Variants in PKD1L1 observed in about 807,000 individuals in gnomAD.
PKD1L1 encodes polycystin 1 like 1, transient receptor potential channel interacting, also known as polycystin-1-like protein 1.
A neutral mutation model predicts 323.4 loss-of-function variants in PKD1L1; 236 were observed. That is an observed-to-expected ratio of 0.73 (90% CI 0.66 to 0.81). The LOEUF is 0.81. Ranked by LOEUF, PKD1L1 falls within the 40% of genes least tolerant of loss-of-function variation. The pLI is 0.00. For missense variants in PKD1L1, 3,320 were observed against 3,508.0 expected (o/e 0.95, Z 1.35); for synonymous variants, 1,344 against 1,335.0 (o/e 1.01, Z -0.15).
At chr7:47,936,340 C>G (rs1428420436) in intron 4 of PKD1L1, among the ~76,000 whole-genome samples, 1 of 152,130 alleles carries the variant, frequency 6.6e-6, no homozygotes, top group Non-Finnish European at 1.5e-5. Context: ...TCCCCACAGC[C>G]CCTGGCAACC....
chr7:47,919,314 G>C (rs1451028475), intron 7 of PKD1L1, among the ~76,000 whole-genome samples: 1 of 152,044 alleles, frequency 6.6e-6, no homozygotes, highest in East Asian at 1.9e-4. Flanking sequence ...AACCCTCCTA[G>C]CTTAAGTCAG....
chr7:47,936,357 C>T (rs2128757082), intron 4 of PKD1L1, among the ~76,000 whole-genome samples: 1 of 152,286 alleles, frequency 6.6e-6, no homozygotes, highest in Admixed American at 6.5e-5. Context: ...AACCACCCCA[C>T]TCTCCTTTCA....
chr7:47,901,676 C>T (rs559486855), intron 13 of PKD1L1, among the ~76,000 whole-genome samples: 11 of 152,348 alleles, frequency 7.2e-5, no homozygotes, highest in Admixed American at 4.6e-4. Flanking sequence ...GGACCCTTTC[C>T]GGATTGCCCC....
At chr7:47,889,256 C>G (rs544690836) in intron 16 of PKD1L1, among the ~76,000 whole-genome samples, 13 of 152,296 alleles carry the variant, frequency 8.5e-5, no homozygotes, top group African/African-American at 2.9e-4. Flanking sequence ...CACCTGATAG[C>G]TTTGGCACAT....
At chr7:47,943,558 G>C in intron 1 of PKD1L1, 47 bp from the exon 2 acceptor site, 1 of 1,442,054 alleles carries the variant, frequency 6.9e-7, no homozygotes, top group Non-Finnish European at 9.7e-7. Flanking sequence ...AAGTACAATC[G>C]TTTAATCACA....
intron 7 of PKD1L1, among the ~76,000 whole-genome samples, chr7:47,924,553 AG>A (rs1787621723): frequency 2.0e-5 from 3 of 152,328 alleles, no homozygotes; most frequent in Admixed American, 6.5e-5. Context: ...AAGCAATGGC[AG>A]GTTATGGTTT....
At chr7:47,869,991 A>C (rs1786246196) in intron 24 of PKD1L1, among the ~76,000 whole-genome samples, 1 of 152,182 alleles carries the variant, frequency 6.6e-6, no homozygotes, top group South Asian at 2.1e-4. Flanking sequence ...AAATATTATA[A>C]TCAATGGTTC....
chr7:47,802,642 G>A (rs1784688874), intron 53 of PKD1L1, among the ~76,000 whole-genome samples: 1 of 152,216 alleles, frequency 6.6e-6, no homozygotes, highest in African/African-American at 2.4e-5. Context: ...TCAGGTTGGA[G>A]AAAGCTCTTT....
At chr7:47,893,255 GAGAA>G (rs1247457700) in intron 15 of PKD1L1, among the ~76,000 whole-genome samples, 6 of 136,916 alleles carry the variant, frequency 4.4e-5, no homozygotes, top group East Asian at 2.1e-4. Context: ...AAAAAAAAAA[GAGAA>G]AGAAGATTTT....
intron 4 of PKD1L1, among the ~76,000 whole-genome samples, chr7:47,934,050 T>A (rs1265270458): frequency 6.6e-6 from 1 of 152,244 alleles, no homozygotes; most frequent in African/African-American, 2.4e-5. Context: ...TTCTTCTTGA[T>A]GTTAAATGTT....
Position 47,821,068 on chromosome 7 carries a change from C to T in PKD1L1, c.6965+8G>A, listed in dbSNP as rs764379808. On this transcript the variant is annotated splice_region_variant and intron_variant, in intron 46 of 56. Coordinates refer to ENST00000289672, the MANE Select transcript of PKD1L1 (RefSeq NM_138295.5). ...CCCAGATCTGGAAGAGTTACCCAAA[C>T]CTCCTACCTTGTAAATTCTTTCCGG... The T allele has an allele frequency of 1.7e-5, 26 of 1,547,816 alleles. No homozygotes were observed. Among genetic ancestry groups the T allele is most frequent in the Admixed American group, 1.2e-4 (7 of 59,880 alleles).
chr7:47,871,387 C>T (rs1427218099), intron 24 of PKD1L1, among the ~76,000 whole-genome samples: 3 of 152,220 alleles, frequency 2.0e-5, no homozygotes, highest in African/African-American at 7.2e-5. Flanking sequence ...AGGCTGCTCT[C>T]TGCTTCCAAG....
At chr7:47,788,577 A>ATATTTTTT (rs939251075) in intron 56 of PKD1L1, among the ~76,000 whole-genome samples, 8 of 138,072 alleles carry the variant, frequency 5.8e-5, no homozygotes, top group Admixed American at 7.3e-5. Flanking sequence ...ATATATATAT[A>ATATTTTTT]TTTTTTTTTT....
At position 47,821,142 on chromosome 7, in the gene PKD1L1, A is replaced by G. The variant is rs760657424; in HGVS notation, c.6899T>C (p.Val2300Ala). 2 of 1,610,878 alleles carry G rather than the reference A, an allele frequency of 1.2e-6. No homozygotes were observed. The highest frequency in any genetic ancestry group is 1.7e-5 in the Admixed American group (1 of 60,024). ...ATCTTGGGAAAATCTCCCATATATT[A>G]CACACAAAAGCAGAAGCAGCATGAG... ...DILMLLLLLC[V>A]IYGRFSQDEY... The change falls in exon 46 of 57, where the codon GTA (valine) becomes GCA (alanine). Residue 2300 changes from valine to alanine, a missense_variant. Coordinates refer to ENST00000289672, the MANE Select transcript of PKD1L1 (RefSeq NM_138295.5).
intron 2 of PKD1L1, 25 bp downstream of exon 2, chr7:47,943,371 C>T: frequency 6.4e-7 from 1 of 1,560,100 alleles, no homozygotes; most frequent in Non-Finnish European, 8.8e-7. Context: ...TCATGGTGGC[C>T]ATGCCTCCTT....
intron 34 of PKD1L1, among the ~76,000 whole-genome samples, chr7:47,842,450 G>A (rs1462812821): frequency 6.6e-6 from 1 of 152,070 alleles, no homozygotes; most frequent in Non-Finnish European, 1.5e-5. Context: ...TGTGTCACAC[G>A]CACTTCGAAT....
the PKD1L1 span, among the ~76,000 whole-genome samples, chr7:47,959,924 G>C: frequency 4.0e-5 from 6 of 151,888 alleles, no homozygotes; most frequent in African/African-American, 1.4e-4. Flanking sequence ...TTGTGGAATA[G>C]AAAGGGGGGA....
chr7:47,802,083 C>A (rs6946939), intron 53 of PKD1L1, among the ~76,000 whole-genome samples: 13 of 150,634 alleles, frequency 8.6e-5, no homozygotes, highest in African/African-American at 2.9e-4. Flanking sequence ...CCCAGCTACT[C>A]GGGAGGCTGA....
chr7:47,801,753 A>C (rs2128726318), intron 53 of PKD1L1, among the ~76,000 whole-genome samples: 1 of 152,382 alleles, frequency 6.6e-6, no homozygotes, highest in African/African-American at 2.4e-5. Flanking sequence ...AGCACAATCT[A>C]TGAGTCTACA....
Sources: allele counts gnomAD v4.1 joint callset (sites outside exome capture counted in the v4.1 genomes callset), GRCh38; gene constraint gnomAD v4.1.1; transcripts MANE v1.5; gene names NCBI Gene and HGNC (gene_info 2026-07-23, HGNC 2026-07-21).